Variants in IL1RAPL1 observed in about 807,000 individuals in gnomAD.
IL1RAPL1 encodes interleukin 1 receptor accessory protein like 1.
A neutral mutation model predicts 48.4 loss-of-function variants in IL1RAPL1; 3 were observed. The ratio of observed to expected loss-of-function variants is 0.06; its 90% CI spans 0.03 to 0.16. The LOEUF is 0.16. Among genes scored for constraint, IL1RAPL1 ranks in the 10% least tolerant of loss-of-function variants. The pLI is 1.00. For missense variants in IL1RAPL1, 349 were observed against 530.6 expected, an observed-to-expected ratio of 0.66 and a Z score of 3.36; for synonymous variants, 185 against 187.7, an observed-to-expected ratio of 0.99 and a Z score of 0.12.
intron 9 of IL1RAPL1, among the ~76,000 whole-genome samples, chrX:29,952,681 TATA>T (rs1274487922): frequency 5.0e-5 from 4 of 79,364 alleles, no homozygotes; most frequent in African/African-American, 1.5e-4. Context: ...CTATAGCAAA[TATA>T]ATAATTATTT....
At chrX:28,892,495 C>T (rs1033124104) in intron 2 of IL1RAPL1, among the ~76,000 whole-genome samples, 7 of 111,310 alleles carry the variant, frequency 6.3e-5, no homozygotes, top group African/African-American at 2.3e-4. Context: ...TGTGATTCTT[C>T]AGTTACTTCA....
At chrX:29,166,591 AT>A (rs1929790499) in intron 2 of IL1RAPL1, among the ~76,000 whole-genome samples, 1 of 112,046 alleles carries the variant, frequency 8.9e-6, no homozygotes, top group African/African-American at 3.2e-5. Flanking sequence ...AAAATTTTAA[AT>A]TTTTTGTTTA....
At chrX:28,978,257 G>A (rs908499994) in intron 2 of IL1RAPL1, among the ~76,000 whole-genome samples, 11 of 111,288 alleles carry the variant, frequency 9.9e-5, no homozygotes, top group African/African-American at 3.6e-4. Flanking sequence ...AAAGACTGGT[G>A]ATCCACAGTG....
intron 1 of IL1RAPL1, among the ~76,000 whole-genome samples, chrX:28,737,903 G>A (rs1484683095): frequency 9.1e-6 from 1 of 110,301 alleles, no homozygotes; most frequent in Non-Finnish European, 1.9e-5. Flanking sequence ...CAATGACCGA[G>A]GCTTCTTACT....
intron 2 of IL1RAPL1, among the ~76,000 whole-genome samples, chrX:28,927,402 T>C (rs1923774077): frequency 8.9e-6 from 1 of 112,071 alleles, no homozygotes; most frequent in Non-Finnish European, 1.9e-5. Context: ...TTTCTAACTT[T>C]AAACCCATAT....
chrX:29,275,181 C>T (rs972651906), intron 2 of IL1RAPL1, among the ~76,000 whole-genome samples: 2 of 111,801 alleles, frequency 1.8e-5, no homozygotes, highest in African/African-American at 3.3e-5. Flanking sequence ...GCATCACCTG[C>T]TTTGTAGTAA....
Position 28,680,691 on chromosome X carries a change from C to CT in IL1RAPL1, c.-25+92649dup, listed in dbSNP as rs765173077. On this transcript the variant is annotated intron_variant, in intron 1 of 10. Transcript: ENST00000378993. ...AATGGATGTTAAATTTTGTCATATG[C>CT]TTTTTGTTTTTGCATCTATTGAGAT... Among the ~76,000 whole-genome samples the CT allele has an allele frequency of 7.9e-4, 88 of 111,388 alleles. 1 individual carries two copies. The highest frequency in any genetic ancestry group is 1.2e-3 in the Non-Finnish European group (62 of 52,853).
At chrX:29,885,237 T>C (rs749848740) in intron 6 of IL1RAPL1, among the ~76,000 whole-genome samples, 1 of 112,136 alleles carries the variant, frequency 8.9e-6, no homozygotes, top group African/African-American at 3.2e-5. Context: ...AATGTCACCA[T>C]TTCAGTGAGT....
At chrX:29,348,113 A>G (rs181000172) in intron 3 of IL1RAPL1, among the ~76,000 whole-genome samples, 1 of 112,602 alleles carries the variant, frequency 8.9e-6, no homozygotes, top group East Asian at 2.8e-4. Flanking sequence ...CGTAAGGGGG[A>G]CTACTATACT....
intron 6 of IL1RAPL1, among the ~76,000 whole-genome samples, chrX:29,682,218 T>C (rs1430553507): frequency 9.0e-6 from 1 of 111,664 alleles, no homozygotes; most frequent in African/African-American, 3.3e-5. Context: ...AAAATGTATA[T>C]GTTATGTGTC....
chrX:28,896,468 C>T (rs1359885981), intron 2 of IL1RAPL1, among the ~76,000 whole-genome samples: 4 of 111,040 alleles, frequency 3.6e-5, no homozygotes, highest in South Asian at 3.8e-4. Flanking sequence ...TGGGAGAGGT[C>T]GGATAAAGAA....
At chrX:28,672,611 G>A (rs1345745291) in intron 1 of IL1RAPL1, among the ~76,000 whole-genome samples, 2 of 111,005 alleles carry the variant, frequency 1.8e-5, no homozygotes, top group Non-Finnish European at 3.8e-5. Context: ...TTTCCTGGCT[G>A]TGGGTCATGT....
chrX:28,836,708 G>A (rs747469337), intron 2 of IL1RAPL1, among the ~76,000 whole-genome samples: 4 of 109,823 alleles, frequency 3.6e-5, no homozygotes, highest in Admixed American at 9.8e-5. Context: ...TTCCTAATGC[G>A]GGATTTAAAT....
At chrX:29,580,867 C>T (rs1922939954) in intron 5 of IL1RAPL1, among the ~76,000 whole-genome samples, 1 of 112,091 alleles carries the variant, frequency 8.9e-6, no homozygotes, top group Non-Finnish European at 1.9e-5. Context: ...TTTTCCTCTA[C>T]TATTGCATTT....
chrX:29,691,750 CAAAAA>C (rs761236508), intron 6 of IL1RAPL1, among the ~76,000 whole-genome samples: 1 of 17,685 alleles, frequency 5.7e-5, no homozygotes, highest in African/African-American at 3.5e-4. Flanking sequence ...GACTCCGTCT[CAAAAA>C]AAAAAAAAAA....
intron 6 of IL1RAPL1, among the ~76,000 whole-genome samples, chrX:29,832,705 GTTT>G (rs67136004): frequency 3.5e-5 from 3 of 85,040 alleles, no homozygotes; most frequent in Non-Finnish European, 7.1e-5. Context: ...TTTTGTTTTT[GTTT>G]TTTTTTTTTT....
At chrX:28,726,944 G>A (rs188261444) in intron 1 of IL1RAPL1, among the ~76,000 whole-genome samples, 46 of 112,031 alleles carry the variant, frequency 4.1e-4, no homozygotes, top group Admixed American at 6.7e-4. Context: ...TGTGAACATA[G>A]TAGTAATGTA....
rs1438330043 is a variant in IL1RAPL1, at chrX:28,665,088, A to T, written c.-25+77041A>T. ...AATAAATTTTTAAAACCATGTGTGT[A>T]CTCCGGTAAAGCACAGGTATCATTT... On this transcript the variant is annotated intron_variant, in intron 1 of 10. Coordinates refer to ENST00000378993, the MANE Select transcript of IL1RAPL1 (RefSeq NM_014271.4). 2.7e-5 allele frequency among the ~76,000 whole-genome samples: 3 copies of T among 111,692 alleles called. No homozygotes were observed. The East Asian group carries it at 8.4e-4, about 31-fold the overall frequency.
chrX:29,075,344 G>A (rs893352517), intron 2 of IL1RAPL1, among the ~76,000 whole-genome samples: 1 of 111,598 alleles, frequency 9.0e-6, no homozygotes, highest in African/African-American at 3.3e-5. Context: ...AGTTTCTGTG[G>A]ACTATAAATA....
Sources: gnomAD v4.1 joint callset for allele counts (sites outside exome capture counted in the v4.1 genomes callset) on GRCh38, gnomAD v4.1.1 for gene constraint, MANE v1.5 for transcripts, NCBI Gene and HGNC (gene_info 2026-07-23, HGNC 2026-07-21) for gene names.